Variants in PXDNL observed in about 807,000 individuals in gnomAD.
PXDNL encodes probable oxidoreductase PXDNL.
In PXDNL, 145 loss-of-function variants were observed where a neutral mutation model predicts 150.8. That is an observed-to-expected ratio of 0.96 (90% CI 0.84 to 1.10). The LOEUF is 1.10. Among genes scored for constraint, PXDNL ranks in the 50% least tolerant of loss-of-function variants. The pLI is 0.00. For missense variants in PXDNL, 2,087 were observed against 1,873.9 expected, an observed-to-expected ratio of 1.11 and a Z score of -2.10; for synonymous variants, 757 against 725.7, an observed-to-expected ratio of 1.04 and a Z score of -0.69.
In PXDNL at chr8:51,457,605, A is replaced by T; in HGVS notation, c.875T>A (p.Ile292Asn). Residue 292 changes from isoleucine (I) to asparagine (N), a missense_variant, in exon 9 of 23, where the codon ATC (isoleucine) becomes AAC (asparagine). Transcript: ENST00000356297. ...TTGGTCTGACTCTCTGGTGTTTCGG[A>T]TCATGAGTGTGCCATCATCAAACAC... ...LNVFDDGTLM[I>N]RNTRESDQGV... 4 of 1,613,798 alleles carry T rather than the reference A, an allele frequency of 2.5e-6. No individual in the cohort carries two copies. The East Asian group carries it at 8.9e-5, about 36-fold the overall frequency.
At chr8:51,675,581 T>A (rs1175590570) in intron 1 of PXDNL, among the ~76,000 whole-genome samples, 1 of 151,132 alleles carries the variant, frequency 6.6e-6, no homozygotes, top group Non-Finnish European at 1.5e-5. Flanking sequence ...GATCATAAGG[T>A]CAGGAGTTCA....
chr8:51,682,572 G>A (rs886216127), intron 1 of PXDNL, among the ~76,000 whole-genome samples: 6 of 152,254 alleles, frequency 3.9e-5, no homozygotes, highest in African/African-American at 1.2e-4. Flanking sequence ...GCACATCTGC[G>A]ACAGCCTCAT....
chr8:51,504,221 T>C (rs1344479438), intron 4 of PXDNL, among the ~76,000 whole-genome samples: 2 of 152,228 alleles, frequency 1.3e-5, no homozygotes, highest in African/African-American at 4.8e-5. Flanking sequence ...TGCCTACATC[T>C]ATCTGGTCTA....
At chr8:51,470,439 T>A (rs1033154443) in intron 8 of PXDNL, among the ~76,000 whole-genome samples, 6 of 151,822 alleles carry the variant, frequency 4.0e-5, no homozygotes, top group Non-Finnish European at 8.8e-5. Flanking sequence ...AAAATCAGAG[T>A]TGATTATACA....
At chr8:51,759,148 T>G (rs1332263425) in intron 1 of PXDNL, among the ~76,000 whole-genome samples, 3 of 152,122 alleles carry the variant, frequency 2.0e-5, no homozygotes, top group African/African-American at 7.2e-5. Context: ...TGCCCCCGCA[T>G]TGGTTGAAGA....
intron 1 of PXDNL, among the ~76,000 whole-genome samples, chr8:51,709,341 G>A (rs1420421457): frequency 2.6e-5 from 4 of 151,108 alleles, no homozygotes; most frequent in South Asian, 2.1e-4. Context: ...TGCAAGCTCC[G>A]CCTCCCGGGT....
In PXDNL at chr8:51,367,100, C is replaced by CAAAA. The variant is rs58282258; in HGVS notation, c.3901+4769_3901+4772dup. Among the ~76,000 whole-genome samples, 332 of 55,230 alleles carry CAAAA rather than the reference C, an allele frequency of 6.0e-3. 5 individuals carry two copies. Among genetic ancestry groups the CAAAA allele is most frequent in the African/African-American group, 0.02 (311 of 15,628 alleles). The allele number at this position is 55,230 out of a possible 152,430, so 36.2% of individuals were successfully genotyped here. On this transcript the variant is annotated intron_variant, in intron 19 of 22. Coordinates refer to ENST00000356297, the MANE Select transcript of PXDNL (RefSeq NM_144651.5). ...TTGCGACAGAGCAAGACTCTTGTCT[C>CAAAA]AAAAAAAAAAAAAAAAAAAAAAAAA... is the stretch of plus-strand genomic sequence containing the variant.
chr8:51,343,652 A>G (rs1313975794), intron 20 of PXDNL, among the ~76,000 whole-genome samples: 1 of 152,190 alleles, frequency 6.6e-6, no homozygotes, highest in Non-Finnish European at 1.5e-5. Context: ...GCTGTAGAAA[A>G]GGACAGAAGG....
chr8:51,636,527 C>T (rs1814606226), intron 2 of PXDNL, among the ~76,000 whole-genome samples: 1 of 152,102 alleles, frequency 6.6e-6, no homozygotes, highest in Non-Finnish European at 1.5e-5. Flanking sequence ...ATGCAAAAAT[C>T]TGCTGTGTTC....
chr8:51,581,386 G>A (rs1813209924), intron 3 of PXDNL, among the ~76,000 whole-genome samples: 1 of 152,144 alleles, frequency 6.6e-6, no homozygotes, highest in East Asian at 1.9e-4. Flanking sequence ...CTACTCAAGA[G>A]GTTAAGGCAC....
chr8:51,430,828 A>G (rs1809230056), intron 12 of PXDNL, among the ~76,000 whole-genome samples: 1 of 152,194 alleles, frequency 6.6e-6, no homozygotes, highest in African/African-American at 2.4e-5. Context: ...TTCTCACAAA[A>G]TATCTGCAGT....
At chr8:51,774,057 C>T (rs1020677105) in intron 1 of PXDNL, among the ~76,000 whole-genome samples, 5 of 152,150 alleles carry the variant, frequency 3.3e-5, no homozygotes, top group African/African-American at 1.2e-4. Context: ...GTAATTTCAG[C>T]ACTTTGAAAT....
At chr8:51,575,324 A>G (rs1813026946) in intron 3 of PXDNL, among the ~76,000 whole-genome samples, 1 of 152,090 alleles carries the variant, frequency 6.6e-6, no homozygotes, top group Non-Finnish European at 1.5e-5. Flanking sequence ...GGAAGGTAGA[A>G]AAAAGAGAAA....
chr8:51,539,993 C>A (rs1169076254), intron 4 of PXDNL, among the ~76,000 whole-genome samples: 2 of 151,124 alleles, frequency 1.3e-5, no homozygotes, highest in Non-Finnish European at 2.9e-5. Flanking sequence ...AGTGCAGTGG[C>A]TCAATCTCAA....
intron 1 of PXDNL, among the ~76,000 whole-genome samples, chr8:51,681,140 T>C (rs1424680906): frequency 6.6e-6 from 1 of 152,088 alleles, no homozygotes; most frequent in East Asian, 1.9e-4. Context: ...AGCTGACCCA[T>C]TCAATGGACC....
chr8:51,509,793 T>A (rs1489379903), intron 4 of PXDNL, among the ~76,000 whole-genome samples: 2 of 149,776 alleles, frequency 1.3e-5, no homozygotes, highest in Non-Finnish European at 3.0e-5. Flanking sequence ...CACACACACG[T>A]ATATGTATAT....
chr8:51,394,395 C>T (rs1375420293), intron 17 of PXDNL, among the ~76,000 whole-genome samples: 1 of 152,126 alleles, frequency 6.6e-6, no homozygotes, highest in Non-Finnish European at 1.5e-5. Context: ...TTGACTGTCT[C>T]ATATTGAGGT....
At chr8:51,587,113 C>G (rs1369981246) in intron 3 of PXDNL, among the ~76,000 whole-genome samples, 3 of 152,090 alleles carry the variant, frequency 2.0e-5, no homozygotes, top group Non-Finnish European at 2.9e-5. Flanking sequence ...CCGTAAGTAA[C>G]AAGATCATTA....
At chr8:51,569,925 A>G (rs879782111) in intron 3 of PXDNL, among the ~76,000 whole-genome samples, 19 of 151,936 alleles carry the variant, frequency 1.3e-4, no homozygotes, top group African/African-American at 3.9e-4. Context: ...TAAATAATGC[A>G]TTTAGATGTT....
Sources: allele counts gnomAD v4.1 joint callset (sites outside exome capture counted in the v4.1 genomes callset), GRCh38; gene constraint gnomAD v4.1.1; transcripts MANE v1.5; gene names NCBI Gene and HGNC (gene_info 2026-07-23, HGNC 2026-07-21).